CDH18: variants seen among roughly 807,000 people sequenced by gnomAD.
CDH18 encodes cadherin 18.
CDH18 carries 31 observed loss-of-function variants against 67.9 expected under a neutral mutation model. The ratio of observed to expected loss-of-function variants is 0.46; its 90% confidence interval spans 0.34 to 0.62. The LOEUF (loss-of-function observed/expected upper bound fraction) is 0.62. Ranked by LOEUF, CDH18 falls within the 20% of genes least tolerant of loss-of-function variation. CDH18 has a pLI of 0.01. For synonymous variants in CDH18, 362 were observed against 347.2 expected (o/e 1.04, Z -0.48); for missense variants, 890 against 975.5 (o/e 0.91, Z 1.17).
intron 4 of CDH18, among the ~76,000 whole-genome samples, chr5:19,740,866 A>G (rs1398535415): frequency 6.6e-6 from 1 of 152,106 alleles, no homozygotes; most frequent in Non-Finnish European, 1.5e-5. Context: ...GAAATTGAAG[A>G]AGTAATTCCA....
At chr5:19,895,613 G>C (rs1317138727) in intron 2 of CDH18, among the ~76,000 whole-genome samples, 1 of 152,088 alleles carries the variant, frequency 6.6e-6, no homozygotes, top group African/African-American at 2.4e-5. Flanking sequence ...AATAACTGAA[G>C]TGTCCTTCCA....
intron 5 of CDH18, among the ~76,000 whole-genome samples, chr5:19,618,211 CT>C (rs1197243032): frequency 1.3e-3 from 182 of 144,950 alleles, no homozygotes; most frequent in Admixed American, 1.7e-3. Flanking sequence ...ATTTTTCTTT[CT>C]TTTTTTTTTT....
At chr5:20,301,011 C>G (rs1173961838) in intron 1 of CDH18, among the ~76,000 whole-genome samples, 2 of 151,266 alleles carry the variant, frequency 1.3e-5, no homozygotes, top group Non-Finnish European at 2.9e-5. Flanking sequence ...GGAGCCTGAA[C>G]AAAAGAGGGG....
At chr5:19,685,488 C>T (rs1182767935) in intron 5 of CDH18, among the ~76,000 whole-genome samples, 1 of 152,174 alleles carries the variant, frequency 6.6e-6, no homozygotes, top group African/African-American at 2.4e-5. Context: ...TTCTGACTGT[C>T]TCCCACCCTT....
chr5:20,056,166 T>C (rs1235182863), intron 2 of CDH18, among the ~76,000 whole-genome samples: 2 of 150,994 alleles, frequency 1.3e-5, no homozygotes, highest in Non-Finnish European at 1.5e-5. Context: ...CACTATGCCT[T>C]GCTAATTTTT....
At chr5:19,634,459 T>C (rs569003240) in intron 5 of CDH18, among the ~76,000 whole-genome samples, 2 of 152,174 alleles carry the variant, frequency 1.3e-5, no homozygotes, top group Non-Finnish European at 2.9e-5. Context: ...GAGTTCTCAT[T>C]TGGTCGTAAG....
At chr5:20,156,747 C>T (rs1231730970) in intron 2 of CDH18, among the ~76,000 whole-genome samples, 4 of 152,132 alleles carry the variant, frequency 2.6e-5, no homozygotes, top group Non-Finnish European at 5.9e-5. Flanking sequence ...GGAGGAAGTA[C>T]CACCAGACCT....
At chr5:20,179,456 C>G (rs1018554584) in intron 2 of CDH18, among the ~76,000 whole-genome samples, 10 of 152,110 alleles carry the variant, frequency 6.6e-5, no homozygotes. Flanking sequence ...TTTGTTTTCA[C>G]TTATTATCAA....
At chr5:19,739,529 C>T (rs1201699794) in intron 4 of CDH18, among the ~76,000 whole-genome samples, 4 of 152,178 alleles carry the variant, frequency 2.6e-5, no homozygotes, top group East Asian at 1.9e-4. Context: ...CCTGGACCAC[C>T]GAATTATGAG....
intron 1 of CDH18, among the ~76,000 whole-genome samples, chr5:20,456,698 A>G (rs1239310757): frequency 1.8e-5 from 2 of 113,072 alleles, no homozygotes; most frequent in African/African-American, 3.0e-5. Context: ...AAGTGGACTA[A>G]TTTTAAACAC....
At chr5:20,440,015 C>T (rs68143975) in intron 1 of CDH18, among the ~76,000 whole-genome samples, 1 of 151,384 alleles carries the variant, frequency 6.6e-6, no homozygotes, top group Non-Finnish European at 1.5e-5. Context: ...TCTTTATTTC[C>T]TTTTCCTTAA....
chr5:20,078,849 G>A (rs2150537331), intron 2 of CDH18, among the ~76,000 whole-genome samples: 1 of 152,182 alleles, frequency 6.6e-6, no homozygotes, highest in South Asian at 2.1e-4. Flanking sequence ...CTCCTGATCT[G>A]AGGTGATCCA....
chr5:19,748,135 A>AAAAAAAAAAAAAAAAAAAAAG (rs1770360306), intron 3 of CDH18, among the ~76,000 whole-genome samples: 1 of 135,492 alleles, frequency 7.4e-6, no homozygotes, highest in Non-Finnish European at 1.6e-5. Context: ...AAAAAAAAAG[A>AAAAAAAAAAAAAAAAAAAAAG]GTACTTTTTT....
intron 2 of CDH18, among the ~76,000 whole-genome samples, chr5:20,180,802 G>C (rs2174949): frequency 0.042 from 6,409 of 151,314 alleles, 174 homozygotes; most frequent in Middle Eastern, 0.086. Flanking sequence ...ATCCACCTAG[G>C]AACAAAGAGA....
chr5:19,733,506 C>G (rs940949946), intron 4 of CDH18, among the ~76,000 whole-genome samples: 1 of 152,138 alleles, frequency 6.6e-6, no homozygotes, highest in Non-Finnish European at 1.5e-5. Context: ...CAATAAAATT[C>G]TCTGCCTTCA....
intron 2 of CDH18, among the ~76,000 whole-genome samples, chr5:20,061,520 A>C (rs963410245): frequency 6.6e-6 from 1 of 152,200 alleles, no homozygotes; most frequent in African/African-American, 2.4e-5. Flanking sequence ...TAGCCTTCTT[A>C]AATGAACTTG....
At chr5:19,557,081 A>G (rs899174493) in intron 8 of CDH18, among the ~76,000 whole-genome samples, 1 of 152,106 alleles carries the variant, frequency 6.6e-6, no homozygotes, top group African/African-American at 2.4e-5. Context: ...CAGACAAACA[A>G]ATGCTGAGAG....
intron 2 of CDH18, among the ~76,000 whole-genome samples, chr5:20,040,923 T>C (rs1740365284): frequency 6.6e-6 from 1 of 152,218 alleles, no homozygotes; most frequent in Non-Finnish European, 1.5e-5. Flanking sequence ...TGCACACAGA[T>C]TGTTTAAGTA....
At chr5:19,497,237 TTAAAAA>T (rs1202706206) in intron 11 of CDH18, among the ~76,000 whole-genome samples, 1 of 152,096 alleles carries the variant, frequency 6.6e-6, no homozygotes, top group Admixed American at 6.5e-5. Flanking sequence ...AAAGAAAATG[TTAAAAA>T]TAAAGAATTT....
Sources: allele counts gnomAD v4.1 joint callset (sites outside exome capture counted in the v4.1 genomes callset), GRCh38; gene constraint gnomAD v4.1.1; transcripts MANE v1.5; gene names NCBI Gene and HGNC (gene_info 2026-07-23, HGNC 2026-07-21).